The following RXRG variants were observed in gnomAD, a reference collection of about 807,000 sequenced individuals.
The protein encoded by RXRG is retinoid X receptor gamma.
Under a neutral mutation model 49.2 loss-of-function variants are expected in RXRG, and 19 were observed. That is an observed-to-expected ratio of 0.39 (90% CI 0.27 to 0.57). RXRG has a LOEUF of 0.57. Ranked by LOEUF, RXRG falls within the 20% of genes least tolerant of loss-of-function variation. The probability of loss-of-function intolerance (pLI) is 0.64; values close to 1 mark genes in which losing one functional copy is unlikely to be tolerated. For missense variants in RXRG, 452 were observed against 592.5 expected (o/e 0.76, Z 2.46); for synonymous variants, 224 against 216.6 (o/e 1.03, Z -0.30).
intron 4 of RXRG, among the ~76,000 whole-genome samples, chr1:165,413,211 C>G (rs919499111): frequency 6.6e-6 from 1 of 152,072 alleles, no homozygotes; most frequent in African/African-American, 2.4e-5. Context: ...ACATTCTGAG[C>G]TACTGTTACG....
At position 165,408,264 on chromosome 1, in the gene RXRG, T is replaced by G; in HGVS notation, c.1101A>C (p.Glu367Asp). 6.2e-7 allele frequency: 1 copy of G among 1,614,114 alleles called. No homozygotes were observed. Among genetic ancestry groups the G allele is most frequent in the Non-Finnish European group, 8.5e-7 (1 of 1,179,996 alleles). The change falls in exon 8 of 10, where the codon GAA (glutamate) becomes GAC (aspartate). Residue 367 changes from glutamate to aspartate, a missense_variant. By Grantham distance (45) the Glu-to-Asp change is conservative. This residue lies in a region of RXRG where 286 missense variants were observed against 440.9 expected (regional missense o/e 0.65). Transcript: ENST00000359842. ...GTACAATGGCTCGCAGGCATCCCAG[T>G]TCCGACTTGTCCATCTGCATGTCTT... ...KMKDMQMDKS[E>D]LGCLRAIVLF...
At chr1:165,434,954 T>C (rs1487289944) in intron 1 of RXRG, among the ~76,000 whole-genome samples, 1 of 152,204 alleles carries the variant, frequency 6.6e-6, no homozygotes. Context: ...TGTGTAACAA[T>C]AATAATAACT....
chr1:165,444,950 C>T lies in RXRG; in HGVS notation c.-57G>A. On this transcript the variant is annotated 5_prime_UTR_variant, in exon 1 of 10. Coordinates refer to ENST00000359842, the MANE Select transcript of RXRG (RefSeq NM_006917.5). Reference sequence around the variant, plus strand: ...GCAGCTTCTAAATATTACCGCCTCTCTCGGCTCCCAGGCACAGCCCGGCTT... The same window carrying T: ...GCAGCTTCTAAATATTACCGCCTCTTTCGGCTCCCAGGCACAGCCCGGCTT... The T allele has an allele frequency of 1.5e-5, 23 of 1,543,230 alleles. No individual in the cohort carries two copies. The highest frequency in any genetic ancestry group is 1.8e-5 in the Non-Finnish European group (20 of 1,115,466).
In RXRG at chr1:165,401,213, C is replaced by G. The variant is rs917009328; in HGVS notation, c.*50G>C. The G allele has an allele frequency of 6.3e-7, 1 of 1,597,784 alleles. No individual in the cohort carries two copies. The highest frequency in any genetic ancestry group is 1.3e-5 in the African/African-American group (1 of 74,492). On this transcript the variant is annotated 3_prime_UTR_variant, in exon 10 of 10. Coordinates refer to ENST00000359842, the MANE Select transcript of RXRG (RefSeq NM_006917.5). ...GGAAAGTGCAGGGTGGGGGTCCACA[C>G]ACACCTGCCCAGGGGTCATCCTGGG... is the stretch of plus-strand genomic sequence containing the variant.
At chr1:165,422,708 A>G (rs2101727314) in intron 2 of RXRG, among the ~76,000 whole-genome samples, 1 of 152,376 alleles carries the variant, frequency 6.6e-6, no homozygotes, top group East Asian at 1.9e-4. Flanking sequence ...ATAAGCAGCC[A>G]CTAGAGGCTT....
chr1:165,428,799 T>C lies in RXRG; in HGVS notation c.217A>G (p.Ile73Val). Residue 73 changes from isoleucine to valine, a missense_variant, in exon 2 of 10, where the codon ATC becomes GTC. Physicochemically the swap from Ile to Val is conservative, Grantham distance 29 (BLOSUM62 3). Transcript: ENST00000359842. ...GAGGGTGGGCCCATGGCAGAGGTGA[T>C]GACTCGATATGGAGAGCCCAGGGCA... ...LNALGSPYRV[I>V]TSAMGPPSGA... 1.2e-6 allele frequency: 2 copies of C among 1,613,908 alleles called. No homozygotes were observed. Among genetic ancestry groups the C allele is most frequent in the Non-Finnish European group, 1.7e-6 (2 of 1,179,822 alleles).
chr1:165,440,392 C>A (rs1658946545), intron 1 of RXRG, among the ~76,000 whole-genome samples: 1 of 152,120 alleles, frequency 6.6e-6, no homozygotes, highest in South Asian at 2.1e-4. Context: ...ATGCTTAGCA[C>A]CAGAAGTGTT....
Position 165,433,888 on chromosome 1 carries a change from A to C in RXRG, c.50-4922T>G, listed in dbSNP as rs953007881. Among the ~76,000 whole-genome samples the C allele has an allele frequency of 9.2e-5, 14 of 152,340 alleles. No homozygotes were observed. The South Asian group carries it at 1.2e-3, about 14-fold the overall frequency. ...GTGTCACCAGGAGCCAAAACTGAGA[A>C]GGGAATCTGTACAGTGCATAACTCT... On this transcript the variant is annotated intron_variant, in intron 1 of 9. Transcript: ENST00000359842.
intron 4 of RXRG, among the ~76,000 whole-genome samples, chr1:165,412,873 T>C (rs1234493391): frequency 6.6e-6 from 1 of 152,236 alleles, no homozygotes; most frequent in Non-Finnish European, 1.5e-5. Flanking sequence ...TTGGATTTAC[T>C]GGGAAATGTT....
rs540805821 is a variant in RXRG, at chr1:165,404,748, T to TTTTTTG, written c.1244+2058_1244+2063dup. Among the ~76,000 whole-genome samples the TTTTTTG allele has an allele frequency of 4.0e-3, 604 of 152,194 alleles. 1 individual carries two copies. Among genetic ancestry groups the TTTTTTG allele is most frequent in the East Asian group, 6.2e-3 (32 of 5,182 alleles). On this transcript the variant is annotated intron_variant, in intron 9 of 9. Transcript: ENST00000359842. ...ATTTACAATAAGTTCTTATTACCTGTTTTTTGTTTTTGTTTTTGTTTTTGT... is the reference window on the plus strand; with the variant it reads ...ATTTACAATAAGTTCTTATTACCTGTTTTTTGTTTTTGTTTTTGTTTTTGTTTTTGT...
At chr1:165,425,923 G>T (rs572630167) in intron 2 of RXRG, among the ~76,000 whole-genome samples, 1 of 152,322 alleles carries the variant, frequency 6.6e-6, no homozygotes, top group Admixed American at 6.5e-5. Context: ...AGATCTTGGG[G>T]TCACTGTGCA....
intron 9 of RXRG, among the ~76,000 whole-genome samples, chr1:165,402,156 C>T (rs2101698121): frequency 6.6e-6 from 1 of 152,234 alleles, no homozygotes; most frequent in Middle Eastern, 3.4e-3. Flanking sequence ...CCAGTCTCAG[C>T]TCACTGCAAC....
At chr1:165,420,083 GA>G in intron 2 of RXRG, 69 bp from the exon 3 acceptor site, 2 of 1,273,128 alleles carry the variant, frequency 1.6e-6, no homozygotes, top group Non-Finnish European at 2.1e-6. Flanking sequence ...CTAAGGCAAT[GA>G]GGGCTTACTC....
chr1:165,416,357 T>C (rs1571272829), intron 4 of RXRG, among the ~76,000 whole-genome samples: 1 of 152,210 alleles, frequency 6.6e-6, no homozygotes, highest in African/African-American at 2.4e-5. Context: ...CCTTCTGAGG[T>C]TTTTTTCTCT....
At chr1:165,437,747 T>C (rs1373433766) in intron 1 of RXRG, among the ~76,000 whole-genome samples, 1 of 152,196 alleles carries the variant, frequency 6.6e-6, no homozygotes, top group Non-Finnish European at 1.5e-5. Flanking sequence ...TGGTACATGA[T>C]GTACCAGTAT....
At chr1:165,410,676 G>GA (rs1571267636) in intron 6 of RXRG, 26 bp downstream of exon 6, 1 of 1,610,816 alleles carries the variant, frequency 6.2e-7, no homozygotes, top group Non-Finnish European at 8.5e-7. Context: ...ATTGTCCCAG[G>GA]AAAAAAGGCA....
intron 9 of RXRG, among the ~76,000 whole-genome samples, 199 bp from the exon 10 acceptor site, chr1:165,401,609 G>T (rs1469838259): frequency 1.3e-5 from 2 of 152,244 alleles, no homozygotes; most frequent in Non-Finnish European, 2.9e-5. Context: ...CTTAACAGAA[G>T]CTGGAGCGCA....
In RXRG at chr1:165,417,217, T is replaced by A; in HGVS notation, c.446A>T (p.Lys149Met). The A allele has an allele frequency of 6.2e-7, 1 of 1,600,340 alleles. No individual in the cohort carries two copies. The highest frequency in any genetic ancestry group is 8.5e-7 in the Non-Finnish European group (1 of 1,172,502). ...TTCACAACTGTATACCCCGTAGTGC[T>A]TTCCTGGTTAGAAGAAAAGAACATT... ...CAICGDRSSG[K>M]HYGVYSCEGC... Residue 149 changes from lysine to methionine, a missense_variant, in exon 4 of 10, where the codon AAG becomes ATG. This residue lies in a region of RXRG where 286 missense variants were observed against 440.9 expected (regional missense o/e 0.65). Transcript: ENST00000359842.
intron 4 of RXRG, among the ~76,000 whole-genome samples, chr1:165,416,555 G>A (rs1658133660): frequency 2.0e-5 from 3 of 152,164 alleles, no homozygotes; most frequent in African/African-American, 7.2e-5. Context: ...AAAACTCAGT[G>A]AGTGAAATGA....
Sources: allele counts gnomAD v4.1 joint callset (sites outside exome capture counted in the v4.1 genomes callset), GRCh38; gene constraint gnomAD v4.1.1; regional missense constraint gnomAD v4.1.1; transcripts MANE v1.5; gene names NCBI Gene and HGNC (gene_info 2026-07-23, HGNC 2026-07-21).